Variants in FANCM observed in about 807,000 individuals in gnomAD.
FANCM encodes FA complementation group M, also known as Fanconi anemia group M protein.
FANCM carries 140 observed loss-of-function variants against 199.5 expected under a neutral mutation model. The ratio of observed to expected loss-of-function variants is 0.70; its 90% confidence interval spans 0.61 to 0.81. The LOEUF is 0.81. Among genes scored for constraint, FANCM ranks in the 30% least tolerant of loss-of-function variants. FANCM has a pLI of 0.00. For missense variants in FANCM, 2,410 were observed against 2,421.4 expected, an observed-to-expected ratio of 1.00 and a Z score of 0.10; for synonymous variants, 840 against 836.8, an observed-to-expected ratio of 1.00 and a Z score of -0.07.
intron 21 of FANCM, chr14:45,198,436 T>A: frequency 2.3e-6 from 1 of 431,490 alleles, no homozygotes. Flanking sequence ...CCTTTCTACG[T>A]TGATTCCAGC....
chr14:45,188,761 G>A, intron 19 of FANCM, 41 bp from the exon 20 acceptor site: 1 of 1,422,166 alleles, frequency 7.0e-7, no homozygotes, highest in Non-Finnish European at 9.9e-7. Flanking sequence ...CCTGTTAATT[G>A]TCTGAAATAA....
chr14:45,173,202 C>T lies in FANCM; in HGVS notation c.2308C>T (p.His770Tyr). ...GLMQMIEGMR[H>Y]EEGECSYELE... ...TATGCAAATGATAGAGGGAATGAGA[C>T]ACGAAGAGGTGGGGTTTTATTGTAA... Residue 770 changes from histidine to tyrosine, a missense_variant, in exon 13 of 23, where the codon CAC becomes TAC. His to Tyr is a moderately conservative substitution (Grantham distance 83). Coordinates refer to ENST00000267430, the MANE Select transcript of FANCM (RefSeq NM_020937.4). 1.2e-6 allele frequency: 2 copies of T among 1,613,590 alleles called. No homozygotes were observed. The highest frequency in any genetic ancestry group is 1.7e-6 in the Non-Finnish European group (2 of 1,179,600).
chr14:45,163,901 T>C (rs1887776330), intron 9 of FANCM, among the ~76,000 whole-genome samples: 1 of 152,170 alleles, frequency 6.6e-6, no homozygotes, highest in African/African-American at 2.4e-5. Context: ...ATATTGCTAG[T>C]TGGTTGCTTC....
Position 45,176,504 on chromosome 14 carries a change from A to G in FANCM, c.3750A>G (p.Ser1250=), listed in dbSNP as rs1888711469. ...ATGATGAAATATTGGAACATACATC[A>G]GATAGCAATAGACCTCTAGATGATC... ...DSDDEILEHT[S]DSNRPLDDLY... is the part of the protein sequence containing the mutation. The change falls in exon 14 of 23, where the codon TCA becomes TCG. Residue 1250 remains serine, a synonymous_variant. Coordinates refer to ENST00000267430, the MANE Select transcript of FANCM (RefSeq NM_020937.4). 6.2e-7 allele frequency: 1 copy of G among 1,606,016 alleles called. No individual in the cohort carries two copies. Among genetic ancestry groups the G allele is most frequent in the South Asian group, 1.1e-5 (1 of 89,632 alleles).
chr14:45,163,596 TA>T (rs1216448204), intron 9 of FANCM, among the ~76,000 whole-genome samples: 2 of 152,212 alleles, frequency 1.3e-5, no homozygotes, highest in African/African-American at 4.8e-5. Context: ...AATGGTAGTA[TA>T]AAAGGTAAGA....
intron 20 of FANCM, among the ~76,000 whole-genome samples, chr14:45,190,075 T>C (rs879576105): frequency 2.0e-5 from 3 of 152,036 alleles, no homozygotes; most frequent in Admixed American, 6.5e-5. Flanking sequence ...AATTTGGGAG[T>C]ACCAACTGGT....
At chr14:45,161,227 G>C (rs1224289617) in intron 9 of FANCM, among the ~76,000 whole-genome samples, 2 of 152,142 alleles carry the variant, frequency 1.3e-5, no homozygotes, top group African/African-American at 2.4e-5. Context: ...GTATGCCAAA[G>C]TAAAAACTTT....
Position 45,200,356 on chromosome 14 carries a change from A to G in FANCM, c.*348A>G, listed in dbSNP as rs1890294953. On this transcript the variant is annotated 3_prime_UTR_variant, in exon 23 of 23. Transcript: ENST00000267430. ...TGTTGTGATAAATAGTAAAGTTGACATGTCTATGACTACAGCCAACTTGTC... is the reference window on the plus strand; with the variant it reads ...TGTTGTGATAAATAGTAAAGTTGACGTGTCTATGACTACAGCCAACTTGTC... 6.3e-6 allele frequency: 1 copy of G among 159,712 alleles called. No homozygotes were observed. Among genetic ancestry groups the G allele is most frequent in the African/African-American group, 2.4e-5 (1 of 41,556 alleles). 9.9% of individuals were successfully genotyped at this position (159,712 alleles called of 1,614,324 possible). A position where few individuals can be genotyped will look rare whatever the true frequency, so the allele number is the denominator to read the frequency against.
chr14:45,138,850 TCCATGAGGCACACA>T (rs1186183087), intron 2 of FANCM, among the ~76,000 whole-genome samples: 1 of 152,194 alleles, frequency 6.6e-6, no homozygotes, highest in African/African-American at 2.4e-5. Context: ...GTACACCTGC[TCCATGAGGCACACA>T]CCACCATTTC....
Position 45,188,945 on chromosome 14 carries a change from T to C in FANCM, c.4923T>C (p.Tyr1641=), listed in dbSNP as rs1424797267. 3 of 1,613,884 alleles carry C rather than the reference T, an allele frequency of 1.9e-6. No individual in the cohort carries two copies. Among genetic ancestry groups the C allele is most frequent in the Admixed American group, 1.7e-5 (1 of 59,980 alleles). ...TDDCFANSKK[Y]KTRRAVMLKE... is the part of the protein sequence containing the mutation. Reference sequence around the variant, plus strand: ...ATTGCTTTGCAAATAGTAAAAAGTATAAAACTCGACGTGCAGTAATGCTAA... The same window carrying C: ...ATTGCTTTGCAAATAGTAAAAAGTACAAAACTCGACGTGCAGTAATGCTAA... The change falls in exon 20 of 23, where the codon TAT becomes TAC. Residue 1641 remains tyrosine, a synonymous_variant. Transcript: ENST00000267430.
chr14:45,143,434 G>C (rs1454451869), intron 3 of FANCM, among the ~76,000 whole-genome samples: 2 of 151,996 alleles, frequency 1.3e-5, no homozygotes, highest in Non-Finnish European at 2.9e-5. Context: ...ACCTGTCTCA[G>C]CCTCTCAAAG....
At chr14:45,180,053 C>G (rs917431702) in intron 14 of FANCM, among the ~76,000 whole-genome samples, 1 of 152,232 alleles carries the variant, frequency 6.6e-6, no homozygotes, top group Non-Finnish European at 1.5e-5. Flanking sequence ...GCATCCACCA[C>G]TGTCTAGTTC....
At position 45,185,269 on chromosome 14, in the gene FANCM, C is replaced by T. The variant is rs960743288; in HGVS notation, c.4568C>T (p.Ala1523Val). The T allele has an allele frequency of 1.2e-6, 2 of 1,602,590 alleles. No homozygotes were observed. The highest frequency in any genetic ancestry group is 1.7e-6 in the Non-Finnish European group (2 of 1,170,824). The change falls in exon 18 of 23, where the codon GCA becomes GTA. Residue 1523 changes from alanine (A) to valine (V), a missense_variant. Physicochemically the swap from Ala to Val is moderately conservative, Grantham distance 64 (BLOSUM62 0). Coordinates refer to ENST00000267430, the MANE Select transcript of FANCM (RefSeq NM_020937.4). ...GAAGCAGAACTTTCTGAAGAAGATGCAGAATATGTTTCATCAGATGAAAAT... is the reference window on the plus strand; with the variant it reads ...GAAGCAGAACTTTCTGAAGAAGATGTAGAATATGTTTCATCAGATGAAAAT... ...DDEAELSEEDAEYVSSDENDE... is the reference protein window; with the variant it reads ...DDEAELSEEDVEYVSSDENDE...
At chr14:45,181,560 T>A (rs1889071467) in intron 15 of FANCM, 36 bp downstream of exon 15, 1 of 1,519,078 alleles carries the variant, frequency 6.6e-7, no homozygotes, top group Non-Finnish European at 9.1e-7. Context: ...TATAATCATA[T>A]CAAAGGCTAT....
Position 45,185,325 on chromosome 14 carries a change from T to C in FANCM, c.4624T>C (p.Leu1542=), listed in dbSNP as rs1394104664. The change falls in exon 18 of 23, where the codon TTA becomes CTA. Residue 1542 remains leucine (L), a synonymous_variant. Transcript: ENST00000267430. Reference sequence around the variant, plus strand: ...GTCAGAAAATGAACAAGATTCCTCATTACTTGACTTTTTAAATGATGAAAC... The same window carrying C: ...GTCAGAAAATGAACAAGATTCCTCACTACTTGACTTTTTAAATGATGAAAC... ...DESENEQDSS[L]LDFLNDETQL... is the part of the protein sequence containing the mutation. The C allele has an allele frequency of 3.1e-6, 5 of 1,593,498 alleles. No homozygotes were observed. The highest frequency in any genetic ancestry group is 4.3e-6 in the Non-Finnish European group (5 of 1,165,102).
At position 45,170,777 on chromosome 14, in the gene FANCM, T is replaced by C. The variant is rs76620062; in HGVS notation, c.2160+31T>C. 1,696 of 1,574,730 alleles carry C rather than the reference T, an allele frequency of 1.1e-3. 13 individuals are homozygous for C. The African/African-American group carries it at 0.014, about 13-fold the overall frequency. ...TTGAATATATTTTCAGATGTTCTTT[T>C]CCCCCCCCTCATTTTAATGCCAGAA... On this transcript the variant is annotated intron_variant, in intron 12 of 22. Coordinates refer to ENST00000267430, the MANE Select transcript of FANCM (RefSeq NM_020937.4).
rs1885846914 is a variant in FANCM at position 45,140,627 on chromosome 14, T to G, written c.682-5T>G. 1.3e-6 allele frequency: 2 copies of G among 1,564,500 alleles called. No individual in the cohort carries two copies. The highest frequency in any genetic ancestry group is 8.8e-7 in the Non-Finnish European group (1 of 1,136,802). On this transcript the variant is annotated splice_region_variant and splice_polypyrimidine_tract_variant and intron_variant, in intron 2 of 22. Transcript: ENST00000267430. Reference sequence around the variant, plus strand: ...ATGAAACTAAAGAACTTTTTTTTTCTTAAGGTTGTAAGAGAACTAGTCAAA... The same window carrying G: ...ATGAAACTAAAGAACTTTTTTTTTCGTAAGGTTGTAAGAGAACTAGTCAAA...
chr14:45,160,482 C>T (rs1450068230), intron 9 of FANCM, among the ~76,000 whole-genome samples: 2 of 151,186 alleles, frequency 1.3e-5, no homozygotes, highest in Non-Finnish European at 2.9e-5. Context: ...ACCACCACGC[C>T]CAGCTAAGTT....
chr14:45,184,660 CAAA>C (rs776110476), intron 17 of FANCM, among the ~76,000 whole-genome samples: 6 of 62,172 alleles, frequency 9.7e-5, no homozygotes, highest in Admixed American at 1.7e-4. Flanking sequence ...GACTCTGTCT[CAAA>C]AAAAAAAAAA....
Sources: allele counts gnomAD v4.1 joint callset (sites outside exome capture counted in the v4.1 genomes callset), GRCh38; gene constraint gnomAD v4.1.1; transcripts MANE v1.5; gene names NCBI Gene and HGNC (gene_info 2026-07-23, HGNC 2026-07-21).